Variants in RGS17 observed in about 807,000 individuals in gnomAD.
RGS17 encodes the protein regulator of G-protein signaling 17.
RGS17 carries 12 observed loss-of-function variants against 25.5 expected under a neutral mutation model. That is an observed-to-expected ratio of 0.47 (90% CI 0.30 to 0.76). The LOEUF (loss-of-function observed/expected upper bound fraction) is 0.76, where lower values mean the gene tolerates loss of function less well. Ranked by LOEUF, RGS17 falls within the 30% of genes least tolerant of loss-of-function variation. The pLI, the probability that RGS17 is intolerant of heterozygous loss-of-function variation, is 0.07. For synonymous variants in RGS17, 71 were observed against 76.9 expected, an observed-to-expected ratio of 0.92 and a Z score of 0.40; for missense variants, 196 against 242.2, an observed-to-expected ratio of 0.81 and a Z score of 1.27.
At chr6:153,126,770 G>A (rs1445239928) in intron 1 of RGS17, among the ~76,000 whole-genome samples, 1 of 152,156 alleles carries the variant, frequency 6.6e-6, no homozygotes, top group Non-Finnish European at 1.5e-5. Context: ...AACTGCAATA[G>A]AGATACGCAT....
intron 1 of RGS17, among the ~76,000 whole-genome samples, chr6:153,078,018 C>G (rs764133083): frequency 6.6e-6 from 1 of 151,960 alleles, no homozygotes; most frequent in African/African-American, 2.4e-5. Flanking sequence ...GGATTCCAGG[C>G]GCCCACCACC....
At chr6:153,060,396 T>TC (rs1438510122) in intron 1 of RGS17, among the ~76,000 whole-genome samples, 1 of 152,102 alleles carries the variant, frequency 6.6e-6, no homozygotes, top group Non-Finnish European at 1.5e-5. Context: ...CAGAGGCACT[T>TC]CCCCCAGAAA....
rs778850240 is a variant in RGS17, at chr6:153,007,076, C to T, written c.*4498G>A. 42 of 152,188 alleles carry T rather than the reference C, an allele frequency of 2.8e-4. No homozygotes were observed. The highest frequency in any genetic ancestry group is 5.3e-4 in the Non-Finnish European group (36 of 68,040). 9.4% of individuals were successfully genotyped at this position (152,188 alleles called of 1,614,324 possible). On this transcript the variant is annotated 3_prime_UTR_variant, in exon 5 of 5. Transcript: ENST00000206262. ...GTAGAGTCAAAGTCTTGAACAGCCT[C>T]TTGAATTCATCTGAAAAGATGTTAC...
At chr6:153,064,925 C>T (rs2129115830) in intron 1 of RGS17, among the ~76,000 whole-genome samples, 1 of 152,148 alleles carries the variant, frequency 6.6e-6, no homozygotes, top group Non-Finnish European at 1.5e-5. Context: ...CAGAAAACAA[C>T]AAAATGGCAA....
At chr6:153,123,095 A>G (rs1584168863) in intron 1 of RGS17, among the ~76,000 whole-genome samples, 2 of 101,472 alleles carry the variant, frequency 2.0e-5, no homozygotes, top group Admixed American at 9.2e-5. Flanking sequence ...TCAGTTAATC[A>G]TAATAGTTTG....
intron 1 of RGS17, among the ~76,000 whole-genome samples, chr6:153,073,191 A>T (rs1776831329): frequency 6.6e-6 from 1 of 152,196 alleles, no homozygotes; most frequent in Non-Finnish European, 1.5e-5. Context: ...ATGTTATTTC[A>T]CTAGAATTAC....
rs1427750259 is a variant in RGS17, at chr6:153,131,235, AGCGGGC to A, written c.-143_-138del. The A allele has an allele frequency of 1.4e-5, 2 of 140,386 alleles. No homozygotes were observed. The highest frequency in any genetic ancestry group is 3.1e-5 in the Non-Finnish European group (2 of 64,590). 8.7% of individuals were successfully genotyped at this position (140,386 alleles called of 1,614,324 possible). The stretch of plus-strand genomic sequence containing the variant: ...TGCCATCCGCCCAACTTCAGCACCC[AGCGGGC>A]GAGGAGAGAGGGAGAGCGGCGAGGA... On this transcript the variant is annotated 5_prime_UTR_variant, in exon 1 of 5. Transcript: ENST00000206262.
intron 1 of RGS17, among the ~76,000 whole-genome samples, chr6:153,060,646 G>A (rs893487955): frequency 6.6e-6 from 1 of 151,378 alleles, no homozygotes; most frequent in Non-Finnish European, 1.5e-5. Flanking sequence ...TGGAGCCATT[G>A]TTCTATTTTG....
At chr6:153,083,135 T>C (rs1268484484) in intron 1 of RGS17, among the ~76,000 whole-genome samples, 1 of 152,206 alleles carries the variant, frequency 6.6e-6, no homozygotes, top group African/African-American at 2.4e-5. Flanking sequence ...GGCAGATTTC[T>C]GAAGTTCTTT....
chr6:153,106,931 G>A (rs1037794675), intron 1 of RGS17, among the ~76,000 whole-genome samples: 1 of 151,972 alleles, frequency 6.6e-6, no homozygotes, highest in Non-Finnish European at 1.5e-5. Flanking sequence ...ACCGTGCCTG[G>A]CTGTATGTAT....
At position 153,011,353 on chromosome 6, in the gene RGS17, A is replaced by G. The variant is rs1461391519; in HGVS notation, c.*221T>C. 1 of 522,374 alleles carries G rather than the reference A, an allele frequency of 1.9e-6. No homozygotes were observed. Among genetic ancestry groups the G allele is most frequent in the African/African-American group, 1.9e-5 (1 of 51,720 alleles). The allele number at this position is 522,374 out of a possible 1,614,324, so 32.4% of individuals were successfully genotyped here. ...CTTGCAAGTAGAATGAGTCTTGAAT[A>G]AAACAAACAATTTGGCAATTCATTG... On this transcript the variant is annotated 3_prime_UTR_variant, in exon 5 of 5. Coordinates refer to ENST00000206262, the MANE Select transcript of RGS17 (RefSeq NM_012419.5).
intron 1 of RGS17, among the ~76,000 whole-genome samples, chr6:153,111,837 G>C (rs1439932798): frequency 6.6e-6 from 1 of 152,170 alleles, no homozygotes; most frequent in East Asian, 1.9e-4. Flanking sequence ...TCCAGCAGCA[G>C]GGGGGCCTGA....
intron 1 of RGS17, among the ~76,000 whole-genome samples, chr6:153,092,786 C>T (rs561062557): frequency 2.0e-5 from 3 of 152,246 alleles, no homozygotes; most frequent in African/African-American, 4.8e-5. Context: ...AACTTAAGTG[C>T]GTTTTGCTGT....
At position 153,021,950 on chromosome 6, in the gene RGS17, G is replaced by A. The variant is rs770314895; in HGVS notation, c.444+2312C>T. Among the ~76,000 whole-genome samples the A allele has an allele frequency of 1.6e-4, 25 of 152,152 alleles. 1 individual carries two copies. The highest frequency in any genetic ancestry group is 9.2e-4 in the Admixed American group (14 of 15,278). ...CGGCCAGGCGCAGTGGCTCACACCCGTAATCCCAGCACTTTGGGAGGCTGA... is the reference window on the plus strand; with the variant it reads ...CGGCCAGGCGCAGTGGCTCACACCCATAATCCCAGCACTTTGGGAGGCTGA... On this transcript the variant is annotated intron_variant, in intron 4 of 4. Transcript: ENST00000206262.
chr6:153,023,805 T>G (rs1240722995), intron 4 of RGS17, among the ~76,000 whole-genome samples: 35 of 152,158 alleles, frequency 2.3e-4, no homozygotes. Flanking sequence ...GTGGAAAACT[T>G]GTTAAAAGTG....
chr6:153,108,429 A>T (rs1292046071), intron 1 of RGS17, among the ~76,000 whole-genome samples: 1 of 152,152 alleles, frequency 6.6e-6, no homozygotes, highest in Non-Finnish European at 1.5e-5. Flanking sequence ...TGGCACAGGG[A>T]TGAAGATGAA....
intron 1 of RGS17, among the ~76,000 whole-genome samples, chr6:153,103,683 GT>G: frequency 6.6e-6 from 1 of 152,172 alleles, no homozygotes; most frequent in East Asian, 1.9e-4. Flanking sequence ...AAATTATTCT[GT>G]TGTTAATGCT....
intron 1 of RGS17, among the ~76,000 whole-genome samples, chr6:153,075,194 A>G (rs999206744): frequency 1.3e-5 from 2 of 152,198 alleles, no homozygotes; most frequent in African/African-American, 4.8e-5. Flanking sequence ...TTAACTGTCC[A>G]ACATTAATCC....
At chr6:153,127,531 A>C (rs1358831985) in intron 1 of RGS17, among the ~76,000 whole-genome samples, 1 of 152,162 alleles carries the variant, frequency 6.6e-6, no homozygotes, top group Non-Finnish European at 1.5e-5. Context: ...CAGATTAGTA[A>C]CTTGCCTACA....
Sources: allele counts gnomAD v4.1 joint callset (sites outside exome capture counted in the v4.1 genomes callset), GRCh38; gene constraint gnomAD v4.1.1; transcripts MANE v1.5; gene names NCBI Gene and HGNC (gene_info 2026-07-23, HGNC 2026-07-21).